Variants in TRPV4 observed in about 807,000 individuals in gnomAD.
TRPV4 encodes the protein transient receptor potential cation channel subfamily V member 4.
TRPV4 carries 58 observed loss-of-function variants against 84.1 expected under a neutral mutation model. The observed-to-expected ratio is 0.69, with a 90% CI of 0.56 to 0.86. The LOEUF is 0.86. TRPV4 is among the 40% of genes least tolerant of loss of function. The pLI, the probability that TRPV4 is intolerant of heterozygous loss-of-function variation, is 0.00. For synonymous variants in TRPV4, 489 were observed against 500.9 expected (o/e 0.98, Z 0.32); for missense variants, 879 against 1,181.1 (o/e 0.74, Z 3.75).
At chr12:109,795,605 C>T (rs932391528) in intron 7 of TRPV4, among the ~76,000 whole-genome samples, 2 of 152,076 alleles carry the variant, frequency 1.3e-5, no homozygotes, top group Admixed American at 1.3e-4. Context: ...CAAACCCAAG[C>T]GACCAGCAAT....
chr12:109,803,598 T>A (rs184824902), intron 3 of TRPV4, among the ~76,000 whole-genome samples: 1 of 151,304 alleles, frequency 6.6e-6, no homozygotes, highest in East Asian at 1.9e-4. Context: ...AGACTACAGG[T>A]GTGCACCTCC....
chr12:109,802,939 G>T, intron 4 of TRPV4, 52 bp downstream of exon 4: 1 of 1,598,104 alleles, frequency 6.3e-7, no homozygotes, highest in South Asian at 1.1e-5. Context: ...ACAAGCAAAG[G>T]ACAGCGTCTC....
intron 14 of TRPV4, among the ~76,000 whole-genome samples, chr12:109,785,820 A>T (rs1889651510): frequency 6.6e-6 from 1 of 151,748 alleles, no homozygotes; most frequent in African/African-American, 2.4e-5. Flanking sequence ...ATCGCTTGAG[A>T]CCAGGAGTTT....
intron 7 of TRPV4, among the ~76,000 whole-genome samples, chr12:109,795,646 T>C (rs1890339462): frequency 6.6e-6 from 1 of 152,194 alleles, no homozygotes; most frequent in East Asian, 1.9e-4. Flanking sequence ...TATGGTATGT[T>C]TACATGCAGC....
chr12:109,809,619 G>A (rs11068414), intron 2 of TRPV4, among the ~76,000 whole-genome samples: 35,861 of 132,614 alleles, frequency 0.27, 5,386 homozygotes, highest in East Asian at 0.71. Flanking sequence ...TCCATCACTC[G>A]TCTATCCATC....
chr12:109,792,764 A>G lies in TRPV4; in HGVS notation c.1712T>C (p.Ile571Thr). ...GACCATCACGGCCAGGTAGGCCTCG[A>G]TCCCTGCCAGGTAGAGGGCTGCTGA... The part of the protein sequence containing the change: ...IVSAALYLAG[I>T]EAYLAVMVFA... The change falls in exon 11 of 16, where the codon ATC (isoleucine) becomes ACC (threonine). Residue 571 changes from isoleucine to threonine, a missense_variant. Transcript: ENST00000261740. 1 of 1,614,098 alleles carries G rather than the reference A, an allele frequency of 6.2e-7. No homozygotes were observed. Among genetic ancestry groups the G allele is most frequent in the Non-Finnish European group, 8.5e-7 (1 of 1,180,034 alleles).
chr12:109,811,437 C>A (rs763712059), intron 2 of TRPV4, among the ~76,000 whole-genome samples: 1 of 152,118 alleles, frequency 6.6e-6, no homozygotes, highest in African/African-American at 2.4e-5. Context: ...GTGGGCAGGT[C>A]ACTTGAGGAC....
chr12:109,817,625 C>T (rs1891917334), intron 1 of TRPV4, among the ~76,000 whole-genome samples: 1 of 152,194 alleles, frequency 6.6e-6, no homozygotes, highest in Non-Finnish European at 1.5e-5. Context: ...CAAGTCACGC[C>T]GCGATCATGA....
chr12:109,789,227 C>T (rs954890307), intron 12 of TRPV4, among the ~76,000 whole-genome samples: 1 of 152,134 alleles, frequency 6.6e-6, no homozygotes, highest in African/African-American at 2.4e-5. Flanking sequence ...GTTGTTACAA[C>T]TGGGGGTGGG....
In TRPV4 at chr12:109,793,966, A is replaced by C. The variant is rs747648709; in HGVS notation, c.1548T>G (p.Ile516Met). Residue 516 changes from isoleucine to methionine, a missense_variant, in exon 9 of 16, where the codon ATT (isoleucine) becomes ATG (methionine). By Grantham distance (10) the Ile-to-Met change is conservative. This residue lies in a region of TRPV4 where 521 missense variants were observed against 686.6 expected (regional missense o/e 0.76). Coordinates refer to ENST00000261740, the MANE Select transcript of TRPV4 (RefSeq NM_021625.5). The surrounding 1 kb of genome is among the most constrained non-coding windows in gnomAD (Gnocchi z 4.0). ...VDYLRLAGEVITLFTGVLFFF... is the reference protein window; with the variant it reads ...VDYLRLAGEVMTLFTGVLFFF... The stretch of plus-strand genomic sequence containing the variant: ...AGAACAGGACCCCAGTGAAGAGCGT[A>C]ATGACCTCGCCAGCCAGCCGCAGGT... 5.0e-6 allele frequency: 8 copies of C among 1,610,556 alleles called. No individual in the cohort carries two copies. In the South Asian group the frequency reaches 6.7e-5, roughly 13 times the overall value.
intron 5 of TRPV4, among the ~76,000 whole-genome samples, chr12:109,799,927 CTTAT>C (rs138812871): frequency 0.68 from 100,659 of 148,216 alleles, 34,581 homozygotes; most frequent in East Asian, 0.93. Context: ...TGCCATCTAA[CTTAT>C]TTATTTATTT....
chr12:109,792,801 G>A lies in TRPV4; in HGVS notation c.1675C>T (p.Leu559=). 2 of 1,613,902 alleles carry A rather than the reference G, an allele frequency of 1.2e-6. No individual in the cohort carries two copies. Among genetic ancestry groups the A allele is most frequent in the Non-Finnish European group, 1.7e-6 (2 of 1,180,034 alleles). The change falls in exon 11 of 16, where the codon CTG becomes TTG. Residue 559 remains leucine, a synonymous_variant. Coordinates refer to ENST00000261740, the MANE Select transcript of TRPV4 (RefSeq NM_021625.5). ...FQLLYFIYSV[L]VIVSAALYLA... ...TAGAGGGCTGCTGAGACGATCACCA[G>A]GACAGAGTAGATGAAGCTGCAGTGC...
intron 4 of TRPV4, 141 bp downstream of exon 4, chr12:109,802,850 C>CCATG (rs1267936357): frequency 6.2e-6 from 5 of 811,604 alleles, no homozygotes; most frequent in Non-Finnish European, 1.0e-5. Context: ...ATCCATCCAT[C>CCATG]CATCCATCCA....
At chr12:109,828,175 G>A (rs887444077) in intron 1 of TRPV4, among the ~76,000 whole-genome samples, 2 of 152,184 alleles carry the variant, frequency 1.3e-5, no homozygotes, top group South Asian at 2.1e-4. Context: ...CTGAGCCCCC[G>A]CCTCCTTCTG....
chr12:109,815,557 C>T lies in TRPV4; in HGVS notation c.-31-730G>A, dbSNP rs1373589159. On this transcript the variant is annotated intron_variant, in intron 1 of 15. Transcript: ENST00000261740. The surrounding 1 kb of genome is among the most constrained non-coding windows in gnomAD (Gnocchi z 4.1). ...GCAAAGTGCTGATCCCTCCCTGCAC[C>T]TTTGCTGGTCAACTCCTCCCCACTG... Among the ~76,000 whole-genome samples the T allele has an allele frequency of 6.6e-6, 1 of 152,212 alleles. No homozygotes were observed. The highest frequency in any genetic ancestry group is 2.4e-5 in the African/African-American group (1 of 41,446).
chr12:109,790,049 C>A (rs554838981), intron 12 of TRPV4, among the ~76,000 whole-genome samples: 1 of 152,216 alleles, frequency 6.6e-6, no homozygotes, highest in Admixed American at 6.5e-5. Context: ...AGATCCCTGA[C>A]CTGAATCCCA....
chr12:109,791,757 T>A (rs1355992376), intron 12 of TRPV4, among the ~76,000 whole-genome samples: 1 of 151,976 alleles, frequency 6.6e-6, no homozygotes, highest in African/African-American at 2.4e-5. Context: ...GTGCTGGGAT[T>A]ACAGATGTGA....
At chr12:109,819,907 A>G (rs1245637734) in intron 1 of TRPV4, among the ~76,000 whole-genome samples, 1 of 152,188 alleles carries the variant, frequency 6.6e-6, no homozygotes, top group Non-Finnish European at 1.5e-5. Context: ...CTATATATTC[A>G]AAAGCAGGTT....
chr12:109,798,555 G>A lies in TRPV4; in HGVS notation c.1152+59C>T. ...ATGAATACCAGCAGCAGACCCTCGTGTGTGTGTGCAGAGGGGTACGAGTAG... is the reference window on the plus strand; with the variant it reads ...ATGAATACCAGCAGCAGACCCTCGTATGTGTGTGCAGAGGGGTACGAGTAG... On this transcript the variant is annotated intron_variant, in intron 6 of 15. Coordinates refer to ENST00000261740, the MANE Select transcript of TRPV4 (RefSeq NM_021625.5). The surrounding 1 kb of genome is among the most constrained non-coding windows in gnomAD (Gnocchi z 5.0). The A allele has an allele frequency of 1.3e-6, 2 of 1,583,776 alleles. No homozygotes were observed. The highest frequency in any genetic ancestry group is 1.1e-5 in the South Asian group (1 of 90,304).
Sources: allele counts gnomAD v4.1 joint callset (sites outside exome capture counted in the v4.1 genomes callset), GRCh38; gene constraint gnomAD v4.1.1; regional missense constraint gnomAD v4.1.1; non-coding constraint Gnocchi (gnomAD v3.1); transcripts MANE v1.5; gene names NCBI Gene and HGNC (gene_info 2026-07-23, HGNC 2026-07-21).